The following GATC variants were observed in gnomAD, a reference collection of about 807,000 sequenced individuals.
GATC encodes glutamyl-tRNA amidotransferase subunit C, also known as glutamyl-tRNA(Gln) amidotransferase subunit C, mitochondrial.
In GATC, 11 loss-of-function variants were observed where a neutral mutation model predicts 14.4. The observed-to-expected ratio is 0.77, with a 90% CI of 0.48 to 1.27. The LOEUF (loss-of-function observed/expected upper bound fraction) is 1.27. Ranked by LOEUF, GATC falls within the 50% of genes most tolerant of loss-of-function variation. GATC has a pLI of 0.00. For missense variants in GATC, 204 were observed against 183.0 expected (o/e 1.11, Z -0.66); for synonymous variants, 76 against 79.3 (o/e 0.96, Z 0.22).
rs763511362 is a variant in GATC, at chr12:120,462,058, C to G, written c.*2099C>G. The G allele has an allele frequency of 3.4e-5, 55 of 1,611,412 alleles. No homozygotes were observed. Among genetic ancestry groups the G allele is most frequent in the Non-Finnish European group, 4.5e-5 (53 of 1,179,666 alleles). Reference sequence around the variant, plus strand: ...AAGGAGAGAAGTAGTGTGGGGAACCCCTGCTTTGGTATGGAGAGTCACGGC... The same window carrying G: ...AAGGAGAGAAGTAGTGTGGGGAACCGCTGCTTTGGTATGGAGAGTCACGGC... On this transcript the variant is annotated 3_prime_UTR_variant, in exon 4 of 4. Coordinates refer to ENST00000551765, the MANE Select transcript of GATC (RefSeq NM_176818.3).
rs1382005325 is a variant in GATC at position 120,463,712 on chromosome 12, GATACTAAT to G, written c.*3756_*3763del. The G allele has an allele frequency of 2.4e-6, 1 of 418,262 alleles. No homozygotes were observed. The highest frequency in any genetic ancestry group is 4.2e-6 in the Non-Finnish European group (1 of 235,648). 25.9% of individuals were successfully genotyped at this position (418,262 alleles called of 1,614,324 possible). A position where few individuals can be genotyped will look rare whatever the true frequency, so the allele number is the denominator to read the frequency against. The stretch of plus-strand genomic sequence containing the variant: ...ATACCATGACCAAACTGTGTAATGT[GATACTAAT>G]ATGCAGAATAAAGCATATTAAAAAA... On this transcript the variant is annotated 3_prime_UTR_variant, in exon 4 of 4. Transcript: ENST00000551765.
rs916699186 is a variant in GATC at position 120,461,642 on chromosome 12, A to C, written c.*1683A>C. Reference sequence around the variant, plus strand: ...GTGTGCCTATTTGGTGAAATCTGTGAACTTAATCAAGGACAACCACACATG... The same window carrying C: ...GTGTGCCTATTTGGTGAAATCTGTGCACTTAATCAAGGACAACCACACATG... On this transcript the variant is annotated 3_prime_UTR_variant, in exon 4 of 4. Transcript: ENST00000551765. 6.4e-6 allele frequency: 1 copy of C among 155,472 alleles called. No individual in the cohort carries two copies. Among genetic ancestry groups the C allele is most frequent in the Non-Finnish European group, 1.4e-5 (1 of 70,336 alleles). 9.6% of individuals were successfully genotyped at this position (155,472 alleles called of 1,614,324 possible).
At chr12:120,455,867 T>C in intron 2 of GATC, among the ~76,000 whole-genome samples, 1 of 152,108 alleles carries the variant, frequency 6.6e-6, no homozygotes, top group South Asian at 2.1e-4. Flanking sequence ...TTTGTATTTT[T>C]AGTAGAGATG....
Position 120,461,114 on chromosome 12 carries a change from T to A in GATC, c.*1155T>A, listed in dbSNP as rs1340230759. On this transcript the variant is annotated 3_prime_UTR_variant, in exon 4 of 4. Transcript: ENST00000551765. ...TATGCTGCTGCTCATTTTTTTAGTT[T>A]TCTGAGACAGGGGTCTCCCTCTGTC... 6.6e-6 allele frequency: 1 copy of A among 152,088 alleles called. No individual in the cohort carries two copies. The highest frequency in any genetic ancestry group is 2.4e-5 in the African/African-American group (1 of 41,392). 9.4% of individuals were successfully genotyped at this position (152,088 alleles called of 1,614,324 possible).
chr12:120,459,973 G>C lies in GATC; in HGVS notation c.*14G>C, dbSNP rs1565915454. ...CCACACAGCTGAGTAGCTCATTCTG[G>C]AAAGGGGGTACTCTGTGAACATGTG... On this transcript the variant is annotated 3_prime_UTR_variant, in exon 4 of 4. Transcript: ENST00000551765. 4 of 1,601,022 alleles carry C rather than the reference G, an allele frequency of 2.5e-6. No homozygotes were observed. The highest frequency in any genetic ancestry group is 3.4e-6 in the Non-Finnish European group (4 of 1,168,592).
At chr12:120,448,047 C>T (rs1877925204) in intron 2 of GATC, among the ~76,000 whole-genome samples, 1 of 152,172 alleles carries the variant, frequency 6.6e-6, no homozygotes, top group African/African-American at 2.4e-5. Context: ...AGCCACAGCA[C>T]CTGGCCGTGT....
Position 120,463,729 on chromosome 12 carries a change from T to A in GATC, c.*3770T>A. The A allele has an allele frequency of 2.0e-6, 1 of 492,536 alleles. No individual in the cohort carries two copies. Among genetic ancestry groups the A allele is most frequent in the Non-Finnish European group, 3.6e-6 (1 of 280,342 alleles). 30.5% of individuals were successfully genotyped at this position (492,536 alleles called of 1,614,324 possible). A position where few individuals can be genotyped will look rare whatever the true frequency, so the allele number is the denominator to read the frequency against. On this transcript the variant is annotated 3_prime_UTR_variant, in exon 4 of 4. Coordinates refer to ENST00000551765, the MANE Select transcript of GATC (RefSeq NM_176818.3). ...TGTAATGTGATACTAATATGCAGAA[T>A]AAAGCATATTAAAAAACAAACGTAC... is the stretch of plus-strand genomic sequence containing the variant.
chr12:120,457,248 A>G (rs1225252972), intron 3 of GATC, 69 bp downstream of exon 3: 2 of 1,162,640 alleles, frequency 1.7e-6, no homozygotes, highest in Non-Finnish European at 2.6e-6. Flanking sequence ...AGGAAGCATG[A>G]GGACCAAAGA....
In GATC at chr12:120,446,526, G is replaced by C; in HGVS notation, c.46G>C (p.Gly16Arg). The C allele has an allele frequency of 6.2e-7, 1 of 1,602,756 alleles. No individual in the cohort carries two copies. The highest frequency in any genetic ancestry group is 8.5e-7 in the Non-Finnish European group (1 of 1,174,262). Residue 16 changes from glycine to arginine, a missense_variant, in exon 1 of 4, where the codon GGG (glycine) becomes CGG (arginine). Gly to Arg is a moderately radical substitution (Grantham distance 125). Transcript: ENST00000551765. Reference protein sequence around the residue: ...VWLGLRAPLGGRQGFTSKADP... With the variant: ...VWLGLRAPLGRRQGFTSKADP... ...GCTGGGCCTTCGGGCCCCTCTGGGC[G>C]GGCGCCAGGGCTTCACCTCCAAGGC...
At chr12:120,457,200 T>C (rs764976987) in intron 3 of GATC, 21 bp downstream of exon 3, 1 of 1,523,456 alleles carries the variant, frequency 6.6e-7, no homozygotes, top group Non-Finnish European at 9.1e-7. Flanking sequence ...CCCAGAATGG[T>C]TTAACAGATA....
At chr12:120,447,605 C>G (rs1877912436) in intron 2 of GATC, among the ~76,000 whole-genome samples, 1 of 152,104 alleles carries the variant, frequency 6.6e-6, no homozygotes, top group Admixed American at 6.6e-5. Flanking sequence ...GCTCTCCTAA[C>G]CACTCCAAAT....
At chr12:120,455,835 A>G (rs914838497) in intron 2 of GATC, among the ~76,000 whole-genome samples, 12 of 151,854 alleles carry the variant, frequency 7.9e-5, no homozygotes, top group East Asian at 1.9e-4. Flanking sequence ...ACAGGCGCCC[A>G]CCACCACGCC....
rs1878405037 is a variant in GATC at position 120,463,347 on chromosome 12, T to A, written c.*3388T>A. 1 of 152,220 alleles carries A rather than the reference T, an allele frequency of 6.6e-6. No homozygotes were observed. 9.4% of individuals were successfully genotyped at this position (152,220 alleles called of 1,614,324 possible). A position where few individuals can be genotyped will look rare whatever the true frequency, so the allele number is the denominator to read the frequency against. On this transcript the variant is annotated 3_prime_UTR_variant, in exon 4 of 4. Transcript: ENST00000551765. ...ACTGGAGAGGCTGAGGTGGGAGGAC[T>A]GCTTGGGCCCAGGAGTTCAAGGTCA...
intron 2 of GATC, among the ~76,000 whole-genome samples, chr12:120,451,880 T>TTTTTTTTCTTTC (rs1400334742): frequency 7.9e-6 from 1 of 125,914 alleles, no homozygotes; most frequent in South Asian, 2.9e-4. Context: ...AAATTCTTTT[T>TTTTTTTTCTTTC]TTTTTTTTTT....
chr12:120,449,716 G>A (rs1877985724), intron 2 of GATC, among the ~76,000 whole-genome samples: 1 of 152,002 alleles, frequency 6.6e-6, no homozygotes, highest in Non-Finnish European at 1.5e-5. Context: ...CAAAGTGCTG[G>A]GAATACAGCC....
At chr12:120,449,371 C>T (rs577224472) in intron 2 of GATC, among the ~76,000 whole-genome samples, 2 of 152,246 alleles carry the variant, frequency 1.3e-5, no homozygotes, top group African/African-American at 4.8e-5. Context: ...CCTGCTCACC[C>T]ACCTTCCACA....
chr12:120,446,880 C>T (rs1877886191), intron 2 of GATC, 51 bp downstream of exon 2: 6 of 1,508,672 alleles, frequency 4.0e-6, no homozygotes, highest in Non-Finnish European at 5.4e-6. Context: ...CGTTCGCAGC[C>T]GTTTAATGTG....
chr12:120,457,000 C>T (rs150428278), intron 2 of GATC, 76 bp from the exon 3 acceptor site: 3 of 898,772 alleles, frequency 3.3e-6, no homozygotes, highest in Non-Finnish European at 5.6e-6. Flanking sequence ...CTTGTTCTCT[C>T]CTTCTTGCCC....
At chr12:120,456,829 C>A (rs1473734320) in intron 2 of GATC, among the ~76,000 whole-genome samples, 1 of 152,182 alleles carries the variant, frequency 6.6e-6, no homozygotes, top group Admixed American at 6.5e-5. Context: ...CCCATATAAT[C>A]ATCAAAAACT....
Sources: allele counts gnomAD v4.1 joint callset (sites outside exome capture counted in the v4.1 genomes callset), GRCh38; gene constraint gnomAD v4.1.1; transcripts MANE v1.5; gene names NCBI Gene and HGNC (gene_info 2026-07-23, HGNC 2026-07-21).